Variants in TLE2 observed in about 807,000 individuals in gnomAD.
TLE2 encodes transducin-like enhancer protein 2.
A neutral mutation model predicts 97.2 loss-of-function variants in TLE2; 74 were observed. The ratio of observed to expected loss-of-function variants is 0.76; its 90% confidence interval spans 0.63 to 0.92. The LOEUF is 0.92. Ranked by LOEUF, TLE2 falls within the 40% of genes least tolerant of loss-of-function variation. The pLI is 0.00. For missense variants in TLE2, 1,038 were observed against 1,008.7 expected, an observed-to-expected ratio of 1.03 and a Z score of -0.39; for synonymous variants, 499 against 432.1, an observed-to-expected ratio of 1.15 and a Z score of -1.92.
At chr19:3,025,660 G>A (rs369755879) in intron 4 of TLE2, 37 of 969,386 alleles carry the variant, frequency 3.8e-5, no homozygotes, top group African/African-American at 1.2e-4. Flanking sequence ...CTGAGCAGAC[G>A]AGAAGGCGTG....
intron 4 of TLE2, 36 bp from the exon 5 acceptor site, chr19:3,025,118 G>C: frequency 6.4e-7 from 1 of 1,573,998 alleles, no homozygotes; most frequent in Non-Finnish European, 8.6e-7. Context: ...TTGGAGCGGG[G>C]TAGAGATTTG....
intron 19 of TLE2, among the ~76,000 whole-genome samples, chr19:2,998,717 G>A (rs1344999136): frequency 2.6e-5 from 4 of 152,160 alleles, no homozygotes; most frequent in South Asian, 4.1e-4. Context: ...CCGGCAGAGC[G>A]ACTTGTTTTC....
At position 3,028,698 on chromosome 19, in the gene TLE2, C is replaced by T. The variant is rs768677426; in HGVS notation, c.122+8G>A. ...AACTCCCGCGGCCCCTGGGGCGGCC[C>T]CCCTCACCTGTGGTATTGAGCCTGA... On this transcript the variant is annotated splice_region_variant and intron_variant, in intron 2 of 19. Transcript: ENST00000262953. 1.2e-6 allele frequency: 2 copies of T among 1,612,722 alleles called. No homozygotes were observed. Among genetic ancestry groups the T allele is most frequent in the Non-Finnish European group, 1.7e-6 (2 of 1,179,760 alleles).
intron 4 of TLE2, among the ~76,000 whole-genome samples, chr19:3,025,909 C>G (rs998925246): frequency 6.6e-6 from 1 of 152,136 alleles, no homozygotes; most frequent in African/African-American, 2.4e-5. Context: ...AACCCCCACA[C>G]ATGCAGGAAA....
chr19:3,023,821 G>A (rs1283986257), intron 5 of TLE2, among the ~76,000 whole-genome samples: 1 of 151,568 alleles, frequency 6.6e-6, no homozygotes, highest in Non-Finnish European at 1.5e-5. Context: ...GCACCCAGGA[G>A]GTGGAGGTTG....
intron 8 of TLE2, among the ~76,000 whole-genome samples, chr19:3,017,065 C>A (rs1445609953): frequency 8.6e-6 from 1 of 116,046 alleles, no homozygotes; most frequent in African/African-American, 5.1e-5. Flanking sequence ...AACACTACAG[C>A]CTTCTGGGTA....
chr19:3,007,676 C>T (rs765562974), intron 14 of TLE2, among the ~76,000 whole-genome samples: 1 of 152,156 alleles, frequency 6.6e-6, no homozygotes, highest in African/African-American at 2.4e-5. Flanking sequence ...AATAAATGTT[C>T]GTTCAACCGA....
At chr19:3,006,232 T>C (rs2089473839) in intron 15 of TLE2, 188 bp downstream of exon 15, 12 of 1,008,200 alleles carry the variant, frequency 1.2e-5, no homozygotes, top group Non-Finnish European at 1.6e-5. Flanking sequence ...CCAATTCAGA[T>C]TGGCCAGAGC....
In TLE2 at chr19:3,019,608, C is replaced by T; in HGVS notation, c.369+91G>A. ...AGGACCACTGGAGCCAAGGCCCACA[C>T]ACCACCCCAGCTTTAACACCTCCTG... On this transcript the variant is annotated intron_variant, in intron 6 of 19. Transcript: ENST00000262953. The surrounding 1 kb of genome is among the most constrained non-coding windows in gnomAD (Gnocchi z 5.1). 2.0e-6 allele frequency: 3 copies of T among 1,535,600 alleles called. No homozygotes were observed. Among genetic ancestry groups the T allele is most frequent in the South Asian group, 2.4e-5 (2 of 81,958 alleles).
intron 14 of TLE2, 69 bp from the exon 15 acceptor site, chr19:3,006,738 G>C: frequency 6.6e-7 from 1 of 1,514,838 alleles, no homozygotes; most frequent in Non-Finnish European, 8.8e-7. Context: ...TGGGAGGGCA[G>C]GGAGACGCCT....
intron 5 of TLE2, among the ~76,000 whole-genome samples, chr19:3,023,540 CCA>C (rs1320643880): frequency 1.3e-5 from 2 of 152,174 alleles, no homozygotes; most frequent in Non-Finnish European, 2.9e-5. Context: ...CCCAGTGTAT[CCA>C]CTCTGAAGTA....
upstream of TLE2, among the ~76,000 whole-genome samples, chr19:3,030,828 T>TGTG (rs1230576460): frequency 1.3e-5 from 2 of 151,838 alleles, no homozygotes. Context: ...GATGCACACC[T>TGTG]GTGGTCCCGG....
chr19:3,016,858 A>G (rs892941929), intron 8 of TLE2, among the ~76,000 whole-genome samples: 1 of 151,796 alleles, frequency 6.6e-6, no homozygotes, highest in Admixed American at 6.6e-5. Flanking sequence ...GGCTCACTGC[A>G]ACCTCCGCCT....
chr19:3,042,997 T>G (rs994629386), intron 1 of TLE2, among the ~76,000 whole-genome samples: 3 of 152,134 alleles, frequency 2.0e-5, no homozygotes, highest in African/African-American at 7.2e-5. Flanking sequence ...TATTTTTTAT[T>G]TTTTAGAGAC....
intron 8 of TLE2, among the ~76,000 whole-genome samples, chr19:3,017,027 C>G (rs1008421519): frequency 3.9e-5 from 6 of 152,158 alleles, no homozygotes; most frequent in Non-Finnish European, 8.8e-5. Flanking sequence ...ATCCACCCAC[C>G]TTGGCCTCCC....
At chr19:3,018,224 C>T (rs545524457) in intron 7 of TLE2, among the ~76,000 whole-genome samples, 6 of 152,166 alleles carry the variant, frequency 3.9e-5, no homozygotes, top group South Asian at 2.1e-4. Flanking sequence ...CTCGAGTTCC[C>T]GGGCTCAAGT....
intron 1 of TLE2, among the ~76,000 whole-genome samples, chr19:3,039,224 CCAAAAAA>C (rs892603057): frequency 9.9e-6 from 1 of 101,004 alleles, no homozygotes; most frequent in African/African-American, 4.0e-5. Context: ...TTTCCCCACT[CCAAAAAA>C]AAAAAAAAAA....
At chr19:3,005,377 G>A (rs2089450978) in intron 17 of TLE2, 60 bp downstream of exon 17, 1 of 1,584,944 alleles carries the variant, frequency 6.3e-7, no homozygotes, top group Non-Finnish European at 8.6e-7. Context: ...CTCACAAGGA[G>A]AGGAAGGGAT....
chr19:3,020,821 C>T (rs775607081), intron 5 of TLE2, among the ~76,000 whole-genome samples: 2 of 152,080 alleles, frequency 1.3e-5, no homozygotes, highest in Non-Finnish European at 2.9e-5. Flanking sequence ...CGCGGCGGCT[C>T]ATGCCTGTAA....
Sources: gnomAD v4.1 joint callset for allele counts (sites outside exome capture counted in the v4.1 genomes callset) on GRCh38, gnomAD v4.1.1 for gene constraint, Gnocchi (gnomAD v3.1) non-coding constraint, MANE v1.5 for transcripts, NCBI Gene and HGNC (gene_info 2026-07-23, HGNC 2026-07-21) for gene names.